CACNB2: variants seen among roughly 807,000 people sequenced by gnomAD.
CACNB2 encodes voltage-dependent L-type calcium channel subunit beta-2.
In CACNB2, 42 loss-of-function variants were observed where a neutral mutation model predicts 73.3. The observed-to-expected ratio is 0.57, with a 90% CI of 0.45 to 0.74. CACNB2 has a LOEUF of 0.74. Ranked by LOEUF, CACNB2 falls within the 30% of genes least tolerant of loss-of-function variation. The probability of loss-of-function intolerance (pLI) is 0.00; values close to 1 mark genes in which losing one functional copy is unlikely to be tolerated. For synonymous variants in CACNB2, 348 were observed against 310.3 expected (o/e 1.12, Z -1.28); for missense variants, 940 against 853.0 (o/e 1.10, Z -1.27).
Position 18,140,722 on chromosome 10 carries a change from G to A in CACNB2, c.-15G>A. The A allele has an allele frequency of 4.4e-6, 7 of 1,587,278 alleles. No homozygotes were observed. The highest frequency in any genetic ancestry group is 6.0e-6 in the Non-Finnish European group (7 of 1,168,422). On this transcript the variant is annotated 5_prime_UTR_variant, in exon 1 of 14. Transcript: ENST00000324631. ...CCGGGGGCTGGCTGCTTCGCTCCGA[G>A]CCGACTTTTCGCCAATGGTCCAAAG...
chr10:18,448,715 G>A (rs973519726), intron 3 of CACNB2, among the ~76,000 whole-genome samples: 2 of 152,088 alleles, frequency 1.3e-5, no homozygotes, highest in African/African-American at 2.4e-5. Context: ...CCCAGAGAAG[G>A]GAAAAATGTA....
At chr10:18,184,366 CAA>C (rs2034041291) in intron 2 of CACNB2, among the ~76,000 whole-genome samples, 1 of 152,094 alleles carries the variant, frequency 6.6e-6, no homozygotes, top group Non-Finnish European at 1.5e-5. Context: ...TACTTTATGA[CAA>C]GTTTAGATTT....
At chr10:18,465,506 C>G (rs1310859588) in intron 3 of CACNB2, among the ~76,000 whole-genome samples, 1 of 152,184 alleles carries the variant, frequency 6.6e-6, no homozygotes, top group African/African-American at 2.4e-5. Flanking sequence ...GTTTTTGGAG[C>G]ACCCTCGTTC....
chr10:18,384,997 C>T (rs944396174), intron 2 of CACNB2, among the ~76,000 whole-genome samples: 9 of 151,432 alleles, frequency 5.9e-5, no homozygotes, highest in Non-Finnish European at 1.0e-4. Flanking sequence ...GAACAGTTGC[C>T]GGCTGGGTGC....
At chr10:18,403,242 A>G (rs1309276097) in intron 3 of CACNB2, among the ~76,000 whole-genome samples, 1 of 152,218 alleles carries the variant, frequency 6.6e-6, no homozygotes, top group African/African-American at 2.4e-5. Context: ...GACGTGGCCC[A>G]GTTGCCATCA....
intron 12 of CACNB2, 47 bp downstream of exon 12, chr10:18,536,243 CTTTTTTTT>C (rs904187820): frequency 5.7e-5 from 16 of 283,150 alleles, no homozygotes; most frequent in South Asian, 7.4e-5. Context: ...GAGATCAGAC[CTTTTTTTT>C]TTTTTTTTTT....
intron 3 of CACNB2, among the ~76,000 whole-genome samples, chr10:18,406,752 C>T (rs112133583): frequency 0.02 from 3,038 of 152,278 alleles, 49 homozygotes; most frequent in Non-Finnish European, 0.031. Flanking sequence ...CATCCCAAAA[C>T]CATCCCCAAA....
intron 2 of CACNB2, among the ~76,000 whole-genome samples, chr10:18,342,649 T>G (rs549641606): frequency 6.6e-6 from 1 of 152,302 alleles, no homozygotes; most frequent in African/African-American, 2.4e-5. Flanking sequence ...TGAATAGGGC[T>G]TATAAACACA....
At chr10:18,471,031 G>A (rs958518175) in intron 3 of CACNB2, among the ~76,000 whole-genome samples, 13 of 152,260 alleles carry the variant, frequency 8.5e-5, no homozygotes, top group African/African-American at 2.9e-4. Context: ...AGGGCCGGGT[G>A]CGGTGGGTCA....
intron 1 of CACNB2, among the ~76,000 whole-genome samples, chr10:18,147,641 T>TA (rs2031120088): frequency 6.6e-6 from 1 of 152,190 alleles, no homozygotes; most frequent in African/African-American, 2.4e-5. Context: ...TTAATGCTGG[T>TA]AAAAAATATT....
intron 2 of CACNB2, among the ~76,000 whole-genome samples, chr10:18,237,615 G>A (rs2036497034): frequency 6.6e-6 from 1 of 152,210 alleles, no homozygotes; most frequent in African/African-American, 2.4e-5. Flanking sequence ...ATCCTATGGT[G>A]CATAGCTGTG....
intron 3 of CACNB2, among the ~76,000 whole-genome samples, chr10:18,454,774 C>T (rs1589407613): frequency 6.6e-6 from 1 of 152,188 alleles, no homozygotes; most frequent in East Asian, 1.9e-4. Flanking sequence ...TACTGTGGCT[C>T]ACGCCTGCAA....
At chr10:18,485,797 G>A (rs971652685) in intron 3 of CACNB2, among the ~76,000 whole-genome samples, 4 of 151,654 alleles carry the variant, frequency 2.6e-5, no homozygotes, top group African/African-American at 9.7e-5. Context: ...TGGCCAGGCT[G>A]CTCTCGAACT....
At chr10:18,423,870 A>C (rs2045456598) in intron 3 of CACNB2, among the ~76,000 whole-genome samples, 1 of 152,178 alleles carries the variant, frequency 6.6e-6, no homozygotes, top group South Asian at 2.1e-4. Context: ...TTTACTGATA[A>C]ATCTGCTATA....
chr10:18,343,496 CTG>C (rs1199425677), intron 2 of CACNB2, among the ~76,000 whole-genome samples: 1 of 152,226 alleles, frequency 6.6e-6, no homozygotes, highest in Admixed American at 6.5e-5. Flanking sequence ...ATAATAATAA[CTG>C]TGTTTCAAGA....
intron 2 of CACNB2, among the ~76,000 whole-genome samples, chr10:18,249,583 GTGGCCTCTACCTGACCAGATCTGA>G (rs898983836): frequency 1.3e-5 from 2 of 152,122 alleles, no homozygotes; most frequent in African/African-American, 4.8e-5. Flanking sequence ...GCTATCATCA[GTGGCCTCTACCTGACCAGATCTGA>G]TGGTCAGTTC....
At chr10:18,371,996 G>A (rs2042605505) in intron 2 of CACNB2, among the ~76,000 whole-genome samples, 1 of 152,202 alleles carries the variant, frequency 6.6e-6, no homozygotes, top group Admixed American at 6.5e-5. Context: ...CTGCATAAAT[G>A]TCTTCTTTTG....
At chr10:18,434,195 T>G (rs72786093) in intron 3 of CACNB2, among the ~76,000 whole-genome samples, 24,142 of 152,154 alleles carry the variant, frequency 0.16, 2,242 homozygotes, top group East Asian at 0.26. Context: ...TGGTATGATT[T>G]TAAAGATCTA....
intron 2 of CACNB2, among the ~76,000 whole-genome samples, chr10:18,243,542 T>C (rs965253417): frequency 6.6e-6 from 1 of 152,148 alleles, no homozygotes; most frequent in Non-Finnish European, 1.5e-5. Flanking sequence ...TGAGGTAACG[T>C]TGGGAGCTGG....
Sources: gnomAD v4.1 joint callset for allele counts (sites outside exome capture counted in the v4.1 genomes callset) on GRCh38, gnomAD v4.1.1 for gene constraint, MANE v1.5 for transcripts, NCBI Gene and HGNC (gene_info 2026-07-23, HGNC 2026-07-21) for gene names.